Variants in HERPUD2 observed in about 807,000 individuals in gnomAD.
HERPUD2 encodes the protein HERPUD family member 2.
HERPUD2 carries 13 observed loss-of-function variants against 49.9 expected under a neutral mutation model. That is an observed-to-expected ratio of 0.26 (90% confidence interval 0.17 to 0.41). The LOEUF (loss-of-function observed/expected upper bound fraction) is 0.41. HERPUD2 is among the 10% of genes least tolerant of loss of function. The pLI is 1.00. For synonymous variants in HERPUD2, 172 were observed against 171.4 expected (o/e 1.00, Z -0.03); for missense variants, 449 against 492.2 (o/e 0.91, Z 0.83).
At chr7:35,687,004 G>A (rs1786077965) in intron 2 of HERPUD2, among the ~76,000 whole-genome samples, 1 of 151,874 alleles carries the variant, frequency 6.6e-6, no homozygotes, top group Admixed American at 6.6e-5. Context: ...AGGTTGCAGT[G>A]AGCTGAGATC....
chr7:35,682,067 G>T (rs1189213429), intron 2 of HERPUD2, among the ~76,000 whole-genome samples: 4 of 151,742 alleles, frequency 2.6e-5, no homozygotes, highest in South Asian at 2.1e-4. Context: ...GAAGTTTTTG[G>T]TTTTTTGTCA....
At chr7:35,686,731 A>AC (rs1205241492) in intron 2 of HERPUD2, among the ~76,000 whole-genome samples, 1 of 105,364 alleles carries the variant, frequency 9.5e-6, no homozygotes, top group Non-Finnish European at 1.8e-5. Flanking sequence ...AAAAAAAAAA[A>AC]AAAAAAAAAA....
At chr7:35,681,365 G>C (rs1785887545) in intron 2 of HERPUD2, among the ~76,000 whole-genome samples, 1 of 152,122 alleles carries the variant, frequency 6.6e-6, no homozygotes, top group Non-Finnish European at 1.5e-5. Context: ...TTGCTGGTAG[G>C]AATGTAAATG....
chr7:35,652,815 A>G (rs993880854), intron 5 of HERPUD2, among the ~76,000 whole-genome samples: 1 of 152,102 alleles, frequency 6.6e-6, no homozygotes, highest in African/African-American at 2.4e-5. Context: ...TCTTTCCCAG[A>G]CAAGAAAAAG....
intron 2 of HERPUD2, among the ~76,000 whole-genome samples, chr7:35,690,157 C>T (rs756351823): frequency 5.3e-5 from 8 of 152,164 alleles, no homozygotes; most frequent in Non-Finnish European, 8.8e-5. Context: ...CACAGTGCAG[C>T]CCAATTTCAG....
chr7:35,651,646 T>C (rs1302832828), intron 5 of HERPUD2, among the ~76,000 whole-genome samples: 3 of 151,796 alleles, frequency 2.0e-5, no homozygotes, highest in East Asian at 3.9e-4. Context: ...CATGCACAGA[T>C]ATCAACATAA....
chr7:35,691,921 C>A (rs1286677025), intron 2 of HERPUD2, among the ~76,000 whole-genome samples: 3 of 145,780 alleles, frequency 2.1e-5, no homozygotes, highest in Admixed American at 2.0e-4. Context: ...AGTAACTATA[C>A]AAAGTTTTCA....
At chr7:35,670,378 G>T in intron 3 of HERPUD2, 50 bp from the exon 4 acceptor site, 1 of 843,054 alleles carries the variant, frequency 1.2e-6, no homozygotes, top group Non-Finnish European at 1.7e-6. Context: ...AAAATGTACA[G>T]TTCAAAAAGT....
At chr7:35,676,007 T>A (rs1785751714) in intron 2 of HERPUD2, among the ~76,000 whole-genome samples, 1 of 152,200 alleles carries the variant, frequency 6.6e-6, no homozygotes, top group African/African-American at 2.4e-5. Context: ...GTAAGTTTTA[T>A]AATAACCATA....
At position 35,638,443 on chromosome 7, in the gene HERPUD2, G is replaced by C. The variant is rs1204475575; in HGVS notation, c.524C>G (p.Ala175Gly). Reference protein sequence around the residue: ...GNVDNQFPGQAAPPGFPVYPA... With the variant: ...GNVDNQFPGQGAPPGFPVYPA... ...ATACACTGGGAATCCAGGTGGAGCAGCTTGCCCAGGAAATTGGTTGTCTAC... is the reference window on the plus strand; with the variant it reads ...ATACACTGGGAATCCAGGTGGAGCACCTTGCCCAGGAAATTGGTTGTCTAC... The change falls in exon 6 of 9, where the codon GCT becomes GGT. Residue 175 changes from alanine to glycine, a missense_variant. Transcript: ENST00000311350. The C allele has an allele frequency of 6.2e-7, 1 of 1,613,410 alleles. No individual in the cohort carries two copies. Among genetic ancestry groups the C allele is most frequent in the Non-Finnish European group, 8.5e-7 (1 of 1,179,584 alleles).
chr7:35,672,026 T>C (rs1785654506), intron 3 of HERPUD2, among the ~76,000 whole-genome samples: 1 of 151,952 alleles, frequency 6.6e-6, no homozygotes, highest in South Asian at 2.1e-4. Context: ...AGACATGTCA[T>C]TATATATTTG....
rs965582432 is a variant in HERPUD2, at chr7:35,643,789, T to C, written c.495-5317A>G. Among the ~76,000 whole-genome samples the C allele has an allele frequency of 2.6e-5, 4 of 151,196 alleles. No homozygotes were observed. In the South Asian group the frequency reaches 8.3e-4, roughly 31 times the overall value. Reference sequence around the variant, plus strand: ...ACACTGGAACACTAATAATGTTTTATGTAATTAAAAAAAACTAAACTAAAA... The same window carrying C: ...ACACTGGAACACTAATAATGTTTTACGTAATTAAAAAAAACTAAACTAAAA... On this transcript the variant is annotated intron_variant, in intron 5 of 8. Transcript: ENST00000311350.
chr7:35,672,763 A>G (rs2115975803), intron 3 of HERPUD2, among the ~76,000 whole-genome samples: 1 of 152,182 alleles, frequency 6.6e-6, no homozygotes, highest in Admixed American at 6.5e-5. Flanking sequence ...GCACCCACAA[A>G]GTTTGCTAAC....
At chr7:35,642,779 A>T (rs916750822) in intron 5 of HERPUD2, among the ~76,000 whole-genome samples, 1 of 152,162 alleles carries the variant, frequency 6.6e-6, no homozygotes, top group African/African-American at 2.4e-5. Flanking sequence ...CACAAAGAGG[A>T]GAATAACAGA....
chr7:35,679,952 GACTCTATCTCCAA>G (rs778877744), intron 2 of HERPUD2, among the ~76,000 whole-genome samples: 8 of 151,950 alleles, frequency 5.3e-5, no homozygotes, highest in Non-Finnish European at 1.0e-4. Context: ...AAATCCTATA[GACTCTATCTCCAA>G]AAGTTCCTCT....
At chr7:35,692,050 A>G (rs1786201731) in intron 2 of HERPUD2, among the ~76,000 whole-genome samples, 1 of 152,248 alleles carries the variant, frequency 6.6e-6, no homozygotes, top group African/African-American at 2.4e-5. Flanking sequence ...AAAGGAGAAA[A>G]AAAGGTTTGC....
chr7:35,662,142 C>T (rs562358577), intron 5 of HERPUD2, among the ~76,000 whole-genome samples: 50 of 152,230 alleles, frequency 3.3e-4, no homozygotes, highest in African/African-American at 1.2e-3. Context: ...CATGTGGTTT[C>T]TGTCTTTAGT....
intron 2 of HERPUD2, among the ~76,000 whole-genome samples, chr7:35,673,584 C>A (rs1448046038): frequency 1.3e-5 from 2 of 152,038 alleles, no homozygotes; most frequent in African/African-American, 4.8e-5. Flanking sequence ...TAATGCAATG[C>A]ATATATGACT....
intron 5 of HERPUD2, among the ~76,000 whole-genome samples, chr7:35,655,090 C>T (rs1785247548): frequency 6.6e-6 from 1 of 152,086 alleles, no homozygotes; most frequent in Non-Finnish European, 1.5e-5. Flanking sequence ...TGGCCTCAAG[C>T]AATCCACCCA....
Sources: gnomAD v4.1 joint callset for allele counts (sites outside exome capture counted in the v4.1 genomes callset) on GRCh38, gnomAD v4.1.1 for gene constraint, MANE v1.5 for transcripts, NCBI Gene and HGNC (gene_info 2026-07-23, HGNC 2026-07-21) for gene names.